The following TAS2R1 variants were observed in gnomAD, a reference collection of about 807,000 sequenced individuals.
The protein encoded by TAS2R1 is taste 2 receptor member 1.
For synonymous variants in TAS2R1, 141 were observed against 134.2 expected (o/e 1.05, Z -0.35); for missense variants, 370 against 353.4 (o/e 1.05, Z -0.38).
At chr5:9,874,321 T>G in the TAS2R1 span, among the ~76,000 whole-genome samples, 11 of 152,182 alleles carry the variant, frequency 7.2e-5, no homozygotes, top group Non-Finnish European at 1.3e-4. Flanking sequence ...ATAGAAATAG[T>G]AGGTGGTGCT....
chr5:9,731,831 A>G, the TAS2R1 span, among the ~76,000 whole-genome samples: 1 of 152,220 alleles, frequency 6.6e-6, no homozygotes, highest in African/African-American at 2.4e-5. Flanking sequence ...TGGGCAGGAC[A>G]TGTCTGCTTT....
At chr5:9,825,990 G>T in the TAS2R1 span, among the ~76,000 whole-genome samples, 4 of 152,130 alleles carry the variant, frequency 2.6e-5, no homozygotes, top group African/African-American at 9.7e-5. Context: ...GTGGGTTAGG[G>T]TGCCCATTGC....
At chr5:9,741,798 C>G in the TAS2R1 span, among the ~76,000 whole-genome samples, 3 of 152,198 alleles carry the variant, frequency 2.0e-5, no homozygotes, top group South Asian at 6.2e-4. Context: ...CAGGGTCGTG[C>G]CTTCATTCTT....
At chr5:9,881,364 CAAACAAATGG>C in the TAS2R1 span, among the ~76,000 whole-genome samples, 2 of 152,082 alleles carry the variant, frequency 1.3e-5, no homozygotes, top group Non-Finnish European at 2.9e-5. Flanking sequence ...AGAGAGAACA[CAAACAAATGG>C]AAAAACATTC....
chr5:9,725,082 G>C, the TAS2R1 span, among the ~76,000 whole-genome samples: 1 of 152,244 alleles, frequency 6.6e-6, no homozygotes. Context: ...GGTGATGAGG[G>C]GGACTCCTGA....
At chr5:9,793,591 G>A in the TAS2R1 span, among the ~76,000 whole-genome samples, 41 of 152,270 alleles carry the variant, frequency 2.7e-4, no homozygotes, top group East Asian at 4.6e-3. Context: ...CAGGTGCTCC[G>A]CTGCAGTTCT....
Position 9,694,699 on chromosome 5 carries a change from A to T in TAS2R1, c.-242+17473T>A, listed in dbSNP as rs561186775. ...ATTTTGCCAATAACTTATGTCAGTT[A>T]TAACATAAACATTGAGGAGTTTGGT... On this transcript the variant is annotated intron_variant, in intron 1 of 2. Coordinates refer to the TAS2R1 transcript ENST00000506620. Among the ~76,000 whole-genome samples the T allele has an allele frequency of 2.3e-3, 352 of 152,344 alleles. 2 individuals carry two copies. Among genetic ancestry groups the T allele is most frequent in the African/African-American group, 7.7e-3 (319 of 41,580 alleles).
chr5:9,736,119 T>C, the TAS2R1 span, among the ~76,000 whole-genome samples: 1 of 152,212 alleles, frequency 6.6e-6, no homozygotes, highest in Non-Finnish European at 1.5e-5. Context: ...GTACGGAAAG[T>C]CATAGATTCC....
At chr5:9,767,439 T>G in the TAS2R1 span, among the ~76,000 whole-genome samples, 2 of 151,958 alleles carry the variant, frequency 1.3e-5, no homozygotes, top group African/African-American at 4.8e-5. Flanking sequence ...ACTCACTGAG[T>G]CAAATCTATG....
chr5:9,682,655 C>T (rs149671200), intron 1 of TAS2R1, among the ~76,000 whole-genome samples: 2 of 152,258 alleles, frequency 1.3e-5, no homozygotes, highest in African/African-American at 4.8e-5. Flanking sequence ...TAACATTTCA[C>T]AGGGCAGATC....
chr5:9,863,397 G>A, the TAS2R1 span, among the ~76,000 whole-genome samples: 9 of 151,214 alleles, frequency 6.0e-5, no homozygotes, highest in East Asian at 3.9e-4. Context: ...TCAGCCTACC[G>A]AGTAGCTGGG....
At chr5:9,872,868 G>T in the TAS2R1 span, among the ~76,000 whole-genome samples, 2 of 152,062 alleles carry the variant, frequency 1.3e-5, no homozygotes, top group African/African-American at 4.8e-5. Context: ...CCTAAAATTC[G>T]CCAGTGCCCT....
At chr5:9,871,084 G>A in the TAS2R1 span, among the ~76,000 whole-genome samples, 1 of 152,304 alleles carries the variant, frequency 6.6e-6, no homozygotes, top group South Asian at 2.1e-4. Context: ...CATGAGACCA[G>A]CTGGTGTTGC....
chr5:9,889,262 G>A, the TAS2R1 span, among the ~76,000 whole-genome samples: 1 of 152,146 alleles, frequency 6.6e-6, no homozygotes, highest in East Asian at 1.9e-4. Flanking sequence ...AGATGAAAAT[G>A]TGCAGTCTTA....
chr5:9,717,807 G>A, the TAS2R1 span, among the ~76,000 whole-genome samples: 1 of 152,044 alleles, frequency 6.6e-6, no homozygotes, highest in African/African-American at 2.4e-5. Flanking sequence ...ACATATACTA[G>A]AAAAAAATAA....
At chr5:9,820,732 C>CAAATT in the TAS2R1 span, among the ~76,000 whole-genome samples, 1 of 152,210 alleles carries the variant, frequency 6.6e-6, no homozygotes. Flanking sequence ...AACTCAAACT[C>CAAATT]TGCTTTATGA....
chr5:9,870,068 C>A, the TAS2R1 span: 1 of 152,202 alleles, frequency 6.6e-6, no homozygotes, highest in Admixed American at 6.5e-5. Context: ...CATGACTAAG[C>A]CTTTTTATAA....
chr5:9,844,836 T>C, the TAS2R1 span, among the ~76,000 whole-genome samples: 60 of 152,098 alleles, frequency 3.9e-4, no homozygotes, highest in African/African-American at 1.3e-3. Flanking sequence ...TGAAAGAGAG[T>C]CTGAGAATGA....
intron 1 of TAS2R1, among the ~76,000 whole-genome samples, chr5:9,684,052 A>G (rs1741079557): frequency 1.3e-5 from 2 of 152,186 alleles, no homozygotes; most frequent in African/African-American, 2.4e-5. Flanking sequence ...ACTGGCATTC[A>G]TTTCCAAAGG....
Sources: allele counts gnomAD v4.1 joint callset (sites outside exome capture counted in the v4.1 genomes callset), GRCh38; gene constraint gnomAD v4.1.1; transcripts MANE v1.5; gene names NCBI Gene and HGNC (gene_info 2026-07-23, HGNC 2026-07-21).